The following TCP11L1 variants were observed in gnomAD, a reference collection of about 807,000 sequenced individuals.
TCP11L1 encodes the protein T-complex protein 11-like protein 1.
TCP11L1 carries 28 observed loss-of-function variants against 48.9 expected under a neutral mutation model. The ratio of observed to expected loss-of-function variants is 0.57; its 90% CI spans 0.42 to 0.78. TCP11L1 has a LOEUF of 0.78. TCP11L1 is among the 30% of genes least tolerant of loss of function. The pLI is 0.00. For synonymous variants in TCP11L1, 204 were observed against 231.9 expected (o/e 0.88, Z 1.09); for missense variants, 505 against 613.4 (o/e 0.82, Z 1.87).
At chr11:33,053,338 T>C (rs1854219828) in intron 2 of TCP11L1, among the ~76,000 whole-genome samples, 1 of 151,928 alleles carries the variant, frequency 6.6e-6, no homozygotes, top group Non-Finnish European at 1.5e-5. Context: ...AGAGACAAGG[T>C]TTCACCATGT....
intron 9 of TCP11L1, among the ~76,000 whole-genome samples, chr11:33,070,377 A>G (rs907643197): frequency 2.6e-5 from 4 of 152,174 alleles, no homozygotes; most frequent in Non-Finnish European, 4.4e-5. Flanking sequence ...GGAACCTTAG[A>G]GAACCAAACT....
At chr11:33,058,162 C>G (rs1402090423) in intron 5 of TCP11L1, 23 bp downstream of exon 5, 11 of 1,572,136 alleles carry the variant, frequency 7.0e-6, no homozygotes, top group Non-Finnish European at 8.6e-6. Flanking sequence ...GTTAATCATA[C>G]TCCGTGCAAC....
chr11:33,046,883 A>G (rs1854011424), intron 2 of TCP11L1, among the ~76,000 whole-genome samples: 1 of 152,248 alleles, frequency 6.6e-6, no homozygotes, highest in African/African-American at 2.4e-5. Context: ...TAGCAAAAAG[A>G]GAACATTTAT....
At chr11:33,045,049 A>G (rs759443124) in intron 2 of TCP11L1, among the ~76,000 whole-genome samples, 2 of 152,160 alleles carry the variant, frequency 1.3e-5, no homozygotes, top group Non-Finnish European at 2.9e-5. Context: ...TATGTCATCT[A>G]TTGCATTTAA....
chr11:33,066,384 T>C (rs1488785590), intron 8 of TCP11L1, among the ~76,000 whole-genome samples: 1 of 152,128 alleles, frequency 6.6e-6, no homozygotes, highest in Non-Finnish European at 1.5e-5. Flanking sequence ...ATTTATGCCC[T>C]TAAGTTTAAA....
chr11:33,060,538 CACCTGCTGGG>C (rs1263463297), intron 6 of TCP11L1, among the ~76,000 whole-genome samples: 1 of 152,278 alleles, frequency 6.6e-6, no homozygotes, highest in Non-Finnish European at 1.5e-5. Flanking sequence ...AGAGCTGCAA[CACCTGCTGGG>C]ACCTGACAGG....
intron 9 of TCP11L1, among the ~76,000 whole-genome samples, chr11:33,071,603 A>G (rs902538965): frequency 1.3e-5 from 2 of 152,240 alleles, no homozygotes; most frequent in Admixed American, 6.5e-5. Context: ...TATTCCTCCA[A>G]GTAGGACAAG....
Position 33,065,873 on chromosome 11 carries a change from A to T in TCP11L1, c.1016A>T (p.Gln339Leu). The change falls in exon 8 of 10, where the codon CAG (glutamine) becomes CTG (leucine). Residue 339 changes from glutamine to leucine, a missense_variant. Gln to Leu is a moderately radical substitution (Grantham distance 113). Coordinates refer to ENST00000334274, the MANE Select transcript of TCP11L1 (RefSeq NM_018393.4). ...DQSRFHELQL[Q>L]LEQLTILGAV... Reference sequence around the variant, plus strand: ...TCTCGCTTCCACGAGCTCCAGTTGCAGCTGGAACAACTGACCATCCTGGGG... The same window carrying T: ...TCTCGCTTCCACGAGCTCCAGTTGCTGCTGGAACAACTGACCATCCTGGGG... 1 of 1,614,136 alleles carries T rather than the reference A, an allele frequency of 6.2e-7. No individual in the cohort carries two copies. The highest frequency in any genetic ancestry group is 8.5e-7 in the Non-Finnish European group (1 of 1,179,980).
In TCP11L1 at chr11:33,073,084, C is replaced by G. The variant is rs1854844043; in HGVS notation, c.*408C>G. ...ACCAAGCCATGGCCTCACCTCCTGC[C>G]CTCCCTCAGACAGCCTTGTCCCTCA... On this transcript the variant is annotated 3_prime_UTR_variant, in exon 10 of 10. Transcript: ENST00000334274. 4.7e-6 allele frequency: 1 copy of G among 210,772 alleles called. No individual in the cohort carries two copies. Among genetic ancestry groups the G allele is most frequent in the South Asian group, 7.8e-5 (1 of 12,852 alleles). 13.1% of individuals were successfully genotyped at this position (210,772 alleles called of 1,614,324 possible).
chr11:33,050,121 A>AC (rs575432247), intron 2 of TCP11L1, among the ~76,000 whole-genome samples: 6 of 152,240 alleles, frequency 3.9e-5, no homozygotes, highest in Non-Finnish European at 8.8e-5. Context: ...CCTTGAGTCA[A>AC]CACAGCACAG....
At chr11:33,041,291 T>C (rs1472490194) in intron 1 of TCP11L1, 1 of 152,266 alleles carries the variant, frequency 6.6e-6, no homozygotes, top group African/African-American at 2.4e-5. Flanking sequence ...CAGCGTTTTG[T>C]TTGTCGTTTC....
chr11:33,054,837 A>G (rs1854264457), intron 3 of TCP11L1, 112 bp downstream of exon 3: 8 of 1,240,400 alleles, frequency 6.4e-6, no homozygotes, highest in South Asian at 5.3e-5. Flanking sequence ...CCTTTTGTAC[A>G]TTATTGCTAA....
At chr11:33,042,790 A>G (rs10836016) in intron 1 of TCP11L1, among the ~76,000 whole-genome samples, 61,851 of 150,130 alleles carry the variant, frequency 0.41, 12,777 homozygotes, top group African/African-American at 0.47. Flanking sequence ...AAATTAGGCC[A>G]GGCGCAGTGG....
chr11:33,058,175 C>A, intron 5 of TCP11L1, 36 bp downstream of exon 5: 9 of 1,509,490 alleles, frequency 6.0e-6, no homozygotes, highest in African/African-American at 1.4e-5. Context: ...CGTGCAACTA[C>A]AATTCAGAGG....
intron 4 of TCP11L1, among the ~76,000 whole-genome samples, 154 bp downstream of exon 4, chr11:33,057,389 C>A (rs1386165171): frequency 6.6e-6 from 1 of 152,080 alleles, no homozygotes; most frequent in South Asian, 2.1e-4. Flanking sequence ...TGGCTTAATG[C>A]CCTTTTTTAA....
chr11:33,054,594 T>C lies in TCP11L1; in HGVS notation c.165T>C (p.Ser55=), dbSNP rs1286380391. The part of the protein sequence containing the change: ...SSPQRVQRPH[S]SPPRFVTVEE... Reference sequence around the variant, plus strand: ...TCTTACAGTGAGTTTCTGTTACAGCTAGTCCTCCTCGCTTTGTGACAGTAG... The same window carrying C: ...TCTTACAGTGAGTTTCTGTTACAGCCAGTCCTCCTCGCTTTGTGACAGTAG... The change falls in exon 3 of 10, where the codon TCT becomes TCC. Residue 55 remains serine, a splice_region_variant and synonymous_variant. Coordinates refer to ENST00000334274, the MANE Select transcript of TCP11L1 (RefSeq NM_018393.4). The C allele has an allele frequency of 2.5e-6, 4 of 1,611,976 alleles. No homozygotes were observed. Among genetic ancestry groups the C allele is most frequent in the Admixed American group, 1.7e-5 (1 of 59,428 alleles).
At chr11:33,056,930 C>CA (rs1854326135) in intron 3 of TCP11L1, among the ~76,000 whole-genome samples, 185 bp from the exon 4 acceptor site, 1 of 152,048 alleles carries the variant, frequency 6.6e-6, no homozygotes, top group Non-Finnish European at 1.5e-5. Context: ...ATGCTTATTG[C>CA]AAAAAATCAC....
chr11:33,050,125 AGCAC>A (rs1843887877), intron 2 of TCP11L1, among the ~76,000 whole-genome samples: 1 of 152,242 alleles, frequency 6.6e-6, no homozygotes, highest in African/African-American at 2.4e-5. Flanking sequence ...GAGTCAACAC[AGCAC>A]AGGTCTCTGC....
intron 8 of TCP11L1, among the ~76,000 whole-genome samples, 164 bp from the exon 9 acceptor site, chr11:33,068,523 A>G (rs905824478): frequency 6.6e-6 from 1 of 152,198 alleles, no homozygotes; most frequent in Admixed American, 6.5e-5. Flanking sequence ...CTGGTCAGGT[A>G]TGCACAGCCT....
Sources: gnomAD v4.1 joint callset for allele counts (sites outside exome capture counted in the v4.1 genomes callset) on GRCh38, gnomAD v4.1.1 for gene constraint, MANE v1.5 for transcripts, NCBI Gene and HGNC (gene_info 2026-07-23, HGNC 2026-07-21) for gene names.